Variants in ZFYVE16 observed in about 807,000 individuals in gnomAD.
The protein encoded by ZFYVE16 is zinc finger FYVE domain-containing protein 16.
ZFYVE16 carries 89 observed loss-of-function variants against 138.1 expected under a neutral mutation model. The observed-to-expected ratio is 0.64, with a 90% CI of 0.54 to 0.77. The LOEUF is 0.77. Among genes scored for constraint, ZFYVE16 ranks in the 30% least tolerant of loss-of-function variants. The pLI is 0.00. For synonymous variants in ZFYVE16, 596 were observed against 618.3 expected, an observed-to-expected ratio of 0.96 and a Z score of 0.53; for missense variants, 1,793 against 1,786.7, an observed-to-expected ratio of 1.00 and a Z score of -0.06.
chr5:80,440,329 A>C, intron 5 of ZFYVE16: 1 of 1,043,384 alleles, frequency 9.6e-7, no homozygotes, highest in Non-Finnish European at 1.2e-6. Flanking sequence ...TGTCATCATC[A>C]TTGTCATGTT....
At chr5:80,472,003 T>C (rs895428876) in intron 15 of ZFYVE16, among the ~76,000 whole-genome samples, 1 of 152,140 alleles carries the variant, frequency 6.6e-6, no homozygotes, top group East Asian at 1.9e-4. Flanking sequence ...CTCTTCACTT[T>C]GGTTGGTCCA....
At chr5:80,418,449 A>G (rs1196764295) in intron 1 of ZFYVE16, among the ~76,000 whole-genome samples, 1 of 151,870 alleles carries the variant, frequency 6.6e-6, no homozygotes, top group Non-Finnish European at 1.5e-5. Context: ...AGTAGCTAGA[A>G]CTATAGGTAT....
At position 80,434,194 on chromosome 5, in the gene ZFYVE16, T is replaced by G. The variant is rs760308625; in HGVS notation, c.47T>G (p.Leu16Arg). 6.2e-7 allele frequency: 1 copy of G among 1,613,502 alleles called. No homozygotes were observed. The highest frequency in any genetic ancestry group is 1.7e-5 in the Admixed American group (1 of 60,014). The change falls in exon 3 of 19, where the codon CTT becomes CGT. Residue 16 changes from leucine (L) to arginine (R), a missense_variant. Leu to Arg is a moderately radical substitution (Grantham distance 102). Coordinates refer to ENST00000505560, the MANE Select transcript of ZFYVE16 (RefSeq NM_001284236.3). Reference sequence around the variant, plus strand: ...GCTGTCAGTGACTTGGACAAACTCCTTGATGATTTTGAACAGAACCCAGGT... The same window carrying G: ...GCTGTCAGTGACTTGGACAAACTCCGTGATGATTTTGAACAGAACCCAGGT... ...KAAVSDLDKL[L>R]DDFEQNPDEQ...
intron 2 of ZFYVE16, among the ~76,000 whole-genome samples, chr5:80,432,510 C>G (rs1456553596): frequency 1.3e-5 from 2 of 152,158 alleles, no homozygotes; most frequent in African/African-American, 4.8e-5. Flanking sequence ...CAATACCATT[C>G]AGGACATAGG....
intron 13 of ZFYVE16, 54 bp from the exon 14 acceptor site, chr5:80,456,891 A>G (rs566176191): frequency 6.5e-7 from 1 of 1,544,834 alleles, no homozygotes; most frequent in Non-Finnish European, 8.7e-7. Context: ...TAGAATAGGC[A>G]TATAATATTA....
rs375505702 is a variant in ZFYVE16, at chr5:80,436,790, A to C, written c.105A>C (p.Ala35=). The change falls in exon 4 of 19, where the codon GCA becomes GCC. Residue 35 remains alanine (A), a synonymous_variant. Coordinates refer to ENST00000505560, the MANE Select transcript of ZFYVE16 (RefSeq NM_001284236.3). ...ATTATCTCCAAGATGTACAAAATGC[A>C]TATGATTCTAACCACTGCTCAGTTT... ...EQDYLQDVQN[A]YDSNHCSVSS... 2.5e-6 allele frequency: 4 copies of C among 1,613,780 alleles called. No homozygotes were observed. The Admixed American group carries it at 6.7e-5, about 27-fold the overall frequency.
upstream of ZFYVE16, among the ~76,000 whole-genome samples, chr5:80,407,610 A>G (rs999612073): frequency 6.6e-6 from 1 of 152,142 alleles, no homozygotes; most frequent in Non-Finnish European, 1.5e-5. Context: ...ACAAAAAGTT[A>G]TGTTTTCCGA....
rs1312570908 is a variant in ZFYVE16, at chr5:80,477,203, T to C, written c.4462-16T>C. ...AGATTGCTCATTTTCTTATCAAGAA[T>C]TTTTTTTTTTTCTAGGTTGAATTTC... On this transcript the variant is annotated splice_polypyrimidine_tract_variant and intron_variant, in intron 18 of 18. Transcript: ENST00000505560. 2.6e-6 allele frequency: 4 copies of C among 1,529,308 alleles called. No individual in the cohort carries two copies. Among genetic ancestry groups the C allele is most frequent in the Non-Finnish European group, 3.5e-6 (4 of 1,142,904 alleles). 94.7% of individuals were successfully genotyped at this position (1,529,308 alleles called of 1,614,324 possible).
chr5:80,424,701 G>A (rs915590381), intron 1 of ZFYVE16, among the ~76,000 whole-genome samples: 1 of 151,952 alleles, frequency 6.6e-6, no homozygotes, highest in African/African-American at 2.4e-5. Flanking sequence ...ACCTCAAGCA[G>A]TTCACCTGCC....
intron 6 of ZFYVE16, among the ~76,000 whole-genome samples, chr5:80,445,037 A>T (rs769715926): frequency 3.3e-5 from 5 of 152,128 alleles, no homozygotes; most frequent in Non-Finnish European, 7.4e-5. Flanking sequence ...ATAGTATATG[A>T]TTGCCAAGGC....
intron 7 of ZFYVE16, among the ~76,000 whole-genome samples, chr5:80,447,286 AAAAAGAG>A (rs1382114107): frequency 7.3e-5 from 11 of 151,376 alleles, no homozygotes; most frequent in Non-Finnish European, 1.5e-4. Context: ...AAAAAAAAAA[AAAAAGAG>A]AGAAAAGATG....
chr5:80,451,464 T>A, intron 10 of ZFYVE16, 21 bp from the exon 11 acceptor site: 1 of 1,553,916 alleles, frequency 6.4e-7, no homozygotes, highest in Non-Finnish European at 8.7e-7. Context: ...AAAATCTTTT[T>A]ACTAATGATT....
intron 11 of ZFYVE16, among the ~76,000 whole-genome samples, chr5:80,453,300 T>C (rs1013174202): frequency 2.0e-5 from 3 of 152,208 alleles, no homozygotes; most frequent in Non-Finnish European, 4.4e-5. Context: ...CTTAAGAAAT[T>C]TCACTTTAAG....
chr5:80,451,619 C>T lies in ZFYVE16; in HGVS notation c.3517C>T (p.Leu1173Phe). 6.2e-7 allele frequency: 1 copy of T among 1,613,818 alleles called. No individual in the cohort carries two copies. Among genetic ancestry groups the T allele is most frequent in the Non-Finnish European group, 8.5e-7 (1 of 1,179,910 alleles). The change falls in exon 11 of 19, where the codon CTT becomes TTT. Residue 1173 changes from leucine to phenylalanine, a missense_variant. Leu to Phe is a conservative substitution (Grantham distance 22). Transcript: ENST00000505560. ...TCTCTCATTACCAAGTAATCCTTTT[C>T]TTTGTGGAATTCTTATCCAGAAGCT... ...DDLSLPSNPF[L>F]CGILIQKLEI... is the part of the protein sequence containing the mutation.
At chr5:80,448,776 A>G (rs1366185824) in intron 8 of ZFYVE16, among the ~76,000 whole-genome samples, 1 of 152,090 alleles carries the variant, frequency 6.6e-6, no homozygotes, top group African/African-American at 2.4e-5. Flanking sequence ...TAGGAATTTT[A>G]GTTCCTTGTC....
intron 1 of ZFYVE16, among the ~76,000 whole-genome samples, chr5:80,414,305 C>T (rs1745890288): frequency 6.6e-6 from 1 of 152,164 alleles, no homozygotes; most frequent in Admixed American, 6.5e-5. Context: ...ATGGGTTGCT[C>T]TCTAGGCCTG....
rs181015712 is a variant in ZFYVE16 at position 80,453,220 on chromosome 5, C to T, written c.3607+1511C>T. ...CCATTTAGGATTTACATGTGTGATG[C>T]TATTAACTTGTGGGAAAAGTAACAA... On this transcript the variant is annotated intron_variant, in intron 11 of 18. Coordinates refer to ENST00000505560, the MANE Select transcript of ZFYVE16 (RefSeq NM_001284236.3). Among the ~76,000 whole-genome samples, 358 of 152,214 alleles carry T rather than the reference C, an allele frequency of 2.4e-3. 2 individuals carry two copies. Among genetic ancestry groups the T allele is most frequent in the African/African-American group, 8.4e-3 (351 of 41,544 alleles).
In ZFYVE16 at chr5:80,437,648, T is replaced by A; in HGVS notation, c.963T>A (p.Asp321Glu). Residue 321 changes from aspartate to glutamate, a missense_variant, in exon 4 of 19, where the codon GAT becomes GAA. By Grantham distance (45) the Asp-to-Glu change is conservative. Transcript: ENST00000505560. ...GCTTAAATGATTCAAATTCAAGAGA[T>A]GAAAATTTCAAATTACCTGACTTTT... Reference protein sequence around the residue: ...DLCLNDSNSRDENFKLPDFSF... With the variant: ...DLCLNDSNSREENFKLPDFSF... The A allele has an allele frequency of 6.2e-7, 1 of 1,611,904 alleles. No individual in the cohort carries two copies. Among genetic ancestry groups the A allele is most frequent in the Non-Finnish European group, 8.5e-7 (1 of 1,179,304 alleles).
chr5:80,431,894 T>A (rs1211535151), intron 2 of ZFYVE16, among the ~76,000 whole-genome samples: 1 of 152,306 alleles, frequency 6.6e-6, no homozygotes, highest in South Asian at 2.1e-4. Flanking sequence ...GAAGGACCTC[T>A]TCAGGGAGAA....
Sources: allele counts gnomAD v4.1 joint callset (sites outside exome capture counted in the v4.1 genomes callset), GRCh38; gene constraint gnomAD v4.1.1; transcripts MANE v1.5; gene names NCBI Gene and HGNC (gene_info 2026-07-23, HGNC 2026-07-21).